Variants in GRID2 observed in about 807,000 individuals in gnomAD.
GRID2 encodes glutamate ionotropic receptor delta type subunit 2.
A neutral mutation model predicts 114.8 loss-of-function variants in GRID2; 33 were observed. The ratio of observed to expected loss-of-function variants is 0.29; its 90% CI spans 0.22 to 0.38. The LOEUF (loss-of-function observed/expected upper bound fraction) is 0.38, where lower values mean the gene tolerates loss of function less well. GRID2 is among the 10% of genes least tolerant of loss of function. The pLI is 1.00. For missense variants in GRID2, 1,184 were observed against 1,257.7 expected, an observed-to-expected ratio of 0.94 and a Z score of 0.89; for synonymous variants, 505 against 449.9, an observed-to-expected ratio of 1.12 and a Z score of -1.55.
At chr4:92,932,840 G>C (rs1418828723) in intron 2 of GRID2, among the ~76,000 whole-genome samples, 2 of 151,256 alleles carry the variant, frequency 1.3e-5, no homozygotes, top group Non-Finnish European at 3.0e-5. Context: ...GGTATATTCT[G>C]TATGTATGTG....
chr4:92,638,515 CAGT>C (rs1350919424), intron 2 of GRID2, among the ~76,000 whole-genome samples: 2 of 147,752 alleles, frequency 1.4e-5, no homozygotes, highest in African/African-American at 4.9e-5. Context: ...TAGCACTTAA[CAGT>C]AGGTAAATGT....
At chr4:92,318,618 G>A (rs1030573890) in intron 1 of GRID2, among the ~76,000 whole-genome samples, 6 of 147,842 alleles carry the variant, frequency 4.1e-5, no homozygotes, top group Admixed American at 1.4e-4. Context: ...GAGCTCAGGC[G>A]ATGCTCCCAC....
chr4:93,521,971 C>T (rs530368170), intron 13 of GRID2, among the ~76,000 whole-genome samples: 4 of 151,876 alleles, frequency 2.6e-5, no homozygotes, highest in East Asian at 1.9e-4. Flanking sequence ...AAATTTTTTA[C>T]GAAAGAAGAC....
chr4:93,198,142 T>C (rs140162228), intron 4 of GRID2, among the ~76,000 whole-genome samples: 112 of 152,294 alleles, frequency 7.4e-4, no homozygotes, highest in African/African-American at 2.4e-3. Flanking sequence ...GCAATCCATT[T>C]TATTGAAACC....
intron 1 of GRID2, among the ~76,000 whole-genome samples, chr4:92,533,236 T>A (rs1725438923): frequency 6.6e-6 from 1 of 151,596 alleles, no homozygotes; most frequent in Non-Finnish European, 1.5e-5. Flanking sequence ...AAACTTGGAT[T>A]TAAATCTGTA....
At position 93,609,030 on chromosome 4, in the gene GRID2, A is replaced by T. The variant is rs367685138; in HGVS notation, c.2194-17239A>T. Among the ~76,000 whole-genome samples the T allele has an allele frequency of 4.9e-5, 5 of 103,016 alleles. 1 individual carries two copies. The highest frequency in any genetic ancestry group is 8.5e-5 in the Non-Finnish European group (4 of 47,286). 67.6% of individuals were successfully genotyped at this position (103,016 alleles called of 152,430 possible). A position where few individuals can be genotyped will look rare whatever the true frequency, so the allele number is the denominator to read the frequency against. On this transcript the variant is annotated intron_variant, in intron 13 of 15. Coordinates refer to ENST00000282020, the MANE Select transcript of GRID2 (RefSeq NM_001510.4). ...TAACTGGTGTGAGATGATATCTCAT[A>T]GTGGTTTTGATTTGCATTTCTCTGA...
intron 12 of GRID2, among the ~76,000 whole-genome samples, chr4:93,494,701 G>GA (rs922113136): frequency 5.9e-5 from 9 of 151,292 alleles, no homozygotes; most frequent in East Asian, 2.0e-4. Context: ...TTCTTAAAGG[G>GA]AAAAAAAATG....
intron 8 of GRID2, among the ~76,000 whole-genome samples, chr4:93,269,998 A>T (rs545156516): frequency 1.3e-5 from 2 of 152,262 alleles, no homozygotes; most frequent in African/African-American, 2.4e-5. Flanking sequence ...AGACATAGGG[A>T]TGCTGAAGTG....
At chr4:92,802,021 G>A (rs556134727) in intron 2 of GRID2, among the ~76,000 whole-genome samples, 5 of 151,470 alleles carry the variant, frequency 3.3e-5, no homozygotes, top group Admixed American at 6.6e-5. Flanking sequence ...ATATACTATC[G>A]GATGATTTTT....
rs184878652 is a variant in GRID2, at chr4:93,550,009, C to T, written c.2193+34598C>T. The stretch of plus-strand genomic sequence containing the variant: ...AGAATAGCACTTACCTCAGAGACTG[C>T]TGTAAGAATATAATGAGGAAATGAC... On this transcript the variant is annotated intron_variant, in intron 13 of 15. Coordinates refer to ENST00000282020, the MANE Select transcript of GRID2 (RefSeq NM_001510.4). Among the ~76,000 whole-genome samples the T allele has an allele frequency of 2.6e-5, 4 of 152,268 alleles. No individual in the cohort carries two copies. The East Asian group carries it at 7.7e-4, about 29-fold the overall frequency.
chr4:93,358,968 A>G (rs920983343), intron 8 of GRID2, among the ~76,000 whole-genome samples: 18 of 152,080 alleles, frequency 1.2e-4, no homozygotes, highest in African/African-American at 4.3e-4. Flanking sequence ...CTCAATTAGC[A>G]GTTTAAGTAA....
In GRID2 at chr4:93,587,626, A is replaced by C. The variant is rs368922688; in HGVS notation, c.2194-38643A>C. 1.9e-4 allele frequency among the ~76,000 whole-genome samples: 29 copies of C among 152,170 alleles called. No individual in the cohort carries two copies. In the East Asian group the frequency reaches 3.7e-3, roughly 19 times the overall value. ...TTACTGAGCTTTTAGGATTTCCACT[A>C]TCTTCAATATTTCTTGTACTTTCTC... On this transcript the variant is annotated intron_variant, in intron 13 of 15. Transcript: ENST00000282020.
intron 4 of GRID2, chr4:93,112,093 G>C (rs1168172329): frequency 6.6e-6 from 1 of 152,006 alleles, no homozygotes; most frequent in African/African-American, 2.4e-5. Flanking sequence ...AAGAAGTTGG[G>C]TCTTTCCTTC....
At position 93,626,378 on chromosome 4, in the gene GRID2, G is replaced by A. The variant is rs758779402; in HGVS notation, c.2303G>A (p.Arg768Gln). ...FYTIGNTVAD[R>Q]GYGIALQHGS... ...ACCATTGGAAATACTGTTGCTGATC[G>A]GGGATATGGAATTGCATTACAACAT... is the stretch of plus-strand genomic sequence containing the variant. Residue 768 changes from arginine to glutamine, a missense_variant, in exon 14 of 16, where the codon CGG (arginine) becomes CAG (glutamine). Physicochemically the swap from Arg to Gln is conservative, Grantham distance 43. Around this residue, in one of 3 missense-constraint regions of GRID2, gnomAD observed 717 missense variants for 796.9 expected, o/e 0.90. Coordinates refer to ENST00000282020, the MANE Select transcript of GRID2 (RefSeq NM_001510.4). 5.6e-6 allele frequency: 9 copies of A among 1,611,200 alleles called. No individual in the cohort carries two copies. Among genetic ancestry groups the A allele is most frequent in the African/African-American group, 1.3e-5 (1 of 74,944 alleles).
intron 2 of GRID2, among the ~76,000 whole-genome samples, chr4:92,894,947 T>C (rs1294265680): frequency 2.6e-5 from 4 of 152,084 alleles, no homozygotes; most frequent in African/African-American, 9.7e-5. Flanking sequence ...AGATGCACTG[T>C]ACGGCCATAA....
intron 14 of GRID2, among the ~76,000 whole-genome samples, chr4:93,726,937 A>G (rs1578671922): frequency 2.0e-5 from 3 of 152,302 alleles, no homozygotes; most frequent in Admixed American, 6.5e-5. Context: ...GCAAACAGGG[A>G]CAATTTGACT....
At chr4:93,140,224 C>T (rs1735646739) in intron 4 of GRID2, among the ~76,000 whole-genome samples, 1 of 145,316 alleles carries the variant, frequency 6.9e-6, no homozygotes, top group Non-Finnish European at 1.5e-5. Context: ...AGTGGCAGGA[C>T]CACCGCTCAC....
At chr4:93,423,872 G>T (rs1046947747) in intron 10 of GRID2, among the ~76,000 whole-genome samples, 1 of 151,948 alleles carries the variant, frequency 6.6e-6, no homozygotes, top group African/African-American at 2.4e-5. Flanking sequence ...TGGTTTATAT[G>T]TATACCATTT....
intron 1 of GRID2, among the ~76,000 whole-genome samples, chr4:92,500,158 C>T (rs1014028000): frequency 5.9e-5 from 9 of 151,836 alleles, no homozygotes; most frequent in African/African-American, 1.7e-4. Flanking sequence ...ATTTGCTTAC[C>T]TGTGTTTCTT....
Sources: allele counts gnomAD v4.1 joint callset (sites outside exome capture counted in the v4.1 genomes callset), GRCh38; gene constraint gnomAD v4.1.1; regional missense constraint gnomAD v4.1.1; transcripts MANE v1.5; gene names NCBI Gene and HGNC (gene_info 2026-07-23, HGNC 2026-07-21).